The following ACSS3 variants were observed in gnomAD, a reference collection of about 807,000 sequenced individuals.
The protein encoded by ACSS3 is acyl-CoA synthetase short chain family member 3, also known as acyl-CoA synthetase short-chain family member 3, mitochondrial.
In ACSS3, 64 loss-of-function variants were observed where a neutral mutation model predicts 84.2. The observed-to-expected ratio is 0.76, with a 90% CI of 0.62 to 0.94. ACSS3 has a LOEUF of 0.94. Among genes scored for constraint, ACSS3 ranks in the 40% least tolerant of loss-of-function variants. The pLI is 0.00. For missense variants in ACSS3, 815 were observed against 867.6 expected, an observed-to-expected ratio of 0.94 and a Z score of 0.76; for synonymous variants, 317 against 310.1, an observed-to-expected ratio of 1.02 and a Z score of -0.23.
intron 1 of ACSS3, among the ~76,000 whole-genome samples, chr12:81,102,647 C>A (rs1293437819): frequency 6.7e-6 from 1 of 149,586 alleles, no homozygotes; most frequent in Non-Finnish European, 1.5e-5. Flanking sequence ...ATGTTGAAAC[C>A]CCATTTCTAC....
intron 7 of ACSS3, among the ~76,000 whole-genome samples, chr12:81,168,069 T>C (rs1887486901): frequency 6.6e-6 from 1 of 152,174 alleles, no homozygotes; most frequent in African/African-American, 2.4e-5. Flanking sequence ...ATTAAAGTAA[T>C]GGGGAGTGGG....
rs2034346229 is a variant in ACSS3 at position 81,257,510 on chromosome 12, T to G, written c.*2588T>G. On this transcript the variant is annotated 3_prime_UTR_variant, in exon 16 of 16. Coordinates refer to ENST00000548058, the MANE Select transcript of ACSS3 (RefSeq NM_024560.4). The stretch of plus-strand genomic sequence containing the variant: ...TAGAATAAATTCTGTGAGGTCTTCG[T>G]TTGGTATTTTCATAGGATTTCTTAC... 1 of 152,178 alleles carries G rather than the reference T, an allele frequency of 6.6e-6. No homozygotes were observed. The highest frequency in any genetic ancestry group is 2.4e-5 in the African/African-American group (1 of 41,454). The allele number at this position is 152,178 out of a possible 1,614,324, so 9.4% of individuals were successfully genotyped here. A position where few individuals can be genotyped will look rare whatever the true frequency, so the allele number is the denominator to read the frequency against.
At chr12:81,161,136 A>T (rs975325014) in intron 7 of ACSS3, among the ~76,000 whole-genome samples, 8 of 152,230 alleles carry the variant, frequency 5.3e-5, no homozygotes, top group African/African-American at 1.9e-4. Context: ...AATATTACTC[A>T]CATTTCTTCT....
intron 5 of ACSS3, among the ~76,000 whole-genome samples, chr12:81,145,339 A>G (rs1170916724): frequency 6.6e-6 from 1 of 152,086 alleles, no homozygotes; most frequent in Non-Finnish European, 1.5e-5. Flanking sequence ...ATTTCAATAA[A>G]TTTGAGAGGG....
intron 8 of ACSS3, among the ~76,000 whole-genome samples, chr12:81,188,860 C>CT (rs1018818846): frequency 2.0e-5 from 3 of 152,122 alleles, no homozygotes; most frequent in African/African-American, 7.2e-5. Context: ...TATAGATACA[C>CT]TGTGGAAGGA....
chr12:81,193,937 A>T (rs2031702613), intron 8 of ACSS3, among the ~76,000 whole-genome samples: 1 of 151,930 alleles, frequency 6.6e-6, no homozygotes, highest in Non-Finnish European at 1.5e-5. Flanking sequence ...AAAAATGTCT[A>T]ATTTTAACTT....
intron 5 of ACSS3, among the ~76,000 whole-genome samples, chr12:81,150,812 G>C (rs555049365): frequency 1.4e-4 from 22 of 152,314 alleles, no homozygotes; most frequent in Non-Finnish European, 2.6e-4. Context: ...TTAAGGTGCA[G>C]AGCTATGCTA....
At chr12:81,082,297 T>A (rs1252295134) in intron 1 of ACSS3, among the ~76,000 whole-genome samples, 1 of 152,188 alleles carries the variant, frequency 6.6e-6, no homozygotes, top group Admixed American at 6.5e-5. Flanking sequence ...AGCTCCCACT[T>A]ATAAGTGAGA....
At chr12:81,213,932 C>CCTTCCTTCCCTCCTTT (rs1189369982) in intron 9 of ACSS3, among the ~76,000 whole-genome samples, 1 of 76,642 alleles carries the variant, frequency 1.3e-5, no homozygotes, top group Admixed American at 1.8e-4. Flanking sequence ...TTCCTTCCTT[C>CCTTCCTTCCCTCCTTT]CTTTCTCTCT....
At position 81,078,185 on chromosome 12, in the gene ACSS3, C is replaced by A. The variant is rs575214916; in HGVS notation, c.65C>A (p.Pro22His). 8 of 1,546,602 alleles carry A rather than the reference C, an allele frequency of 5.2e-6. No homozygotes were observed. The highest frequency in any genetic ancestry group is 6.1e-6 in the Non-Finnish European group (7 of 1,150,468). ...GCCGGGGGGCTCGGAGGGCCCTTGC[C>A]TGGGTCCTCTCCGGCCCGGGGAGCC... ...TSAGGLGGPL[P>H]GSSPARGAGA... is the part of the protein sequence containing the mutation. Residue 22 changes from proline (P) to histidine (H), a missense_variant, in exon 1 of 16, where the codon CCT (proline) becomes CAT (histidine). By Grantham distance (77) the Pro-to-His change is moderately conservative. Transcript: ENST00000548058.
chr12:81,156,880 C>T (rs1388267797), intron 7 of ACSS3, among the ~76,000 whole-genome samples: 1 of 152,108 alleles, frequency 6.6e-6, no homozygotes, highest in Non-Finnish European at 1.5e-5. Flanking sequence ...GAAGAGGAGG[C>T]AGGTGGCTGG....
chr12:81,126,817 G>A (rs1048442604), intron 2 of ACSS3, among the ~76,000 whole-genome samples: 1 of 152,088 alleles, frequency 6.6e-6, no homozygotes, highest in African/African-American at 2.4e-5. Flanking sequence ...AAACCCATGT[G>A]TGAAGAAACT....
intron 13 of ACSS3, among the ~76,000 whole-genome samples, chr12:81,250,114 G>C (rs2136012563): frequency 6.6e-6 from 1 of 152,084 alleles, no homozygotes; most frequent in South Asian, 2.1e-4. Flanking sequence ...ATTTTATTTG[G>C]AGGGAATGCA....
At chr12:81,233,280 A>G in intron 12 of ACSS3, 69 bp from the exon 13 acceptor site, 5 of 1,529,714 alleles carry the variant, frequency 3.3e-6, no homozygotes, top group Non-Finnish European at 4.5e-6. Flanking sequence ...TGTGTGTTTT[A>G]CCAAGTTTAA....
intron 8 of ACSS3, among the ~76,000 whole-genome samples, chr12:81,196,240 A>G (rs1593184391): frequency 6.6e-6 from 1 of 152,042 alleles, no homozygotes; most frequent in African/African-American, 2.4e-5. Flanking sequence ...GTCATGATCT[A>G]CCTCTACACT....
At chr12:81,141,967 T>A (rs1438757112) in intron 4 of ACSS3, among the ~76,000 whole-genome samples, 1 of 152,226 alleles carries the variant, frequency 6.6e-6, no homozygotes, top group Non-Finnish European at 1.5e-5. Context: ...TTCATACAGG[T>A]ATCATATTCA....
chr12:81,233,149 A>T (rs2033521367), intron 12 of ACSS3, among the ~76,000 whole-genome samples, 200 bp from the exon 13 acceptor site: 1 of 151,940 alleles, frequency 6.6e-6, no homozygotes, highest in East Asian at 1.9e-4. Flanking sequence ...ACTTCAACTT[A>T]TTCTTGGCTG....
intron 8 of ACSS3, among the ~76,000 whole-genome samples, chr12:81,185,006 C>T (rs1565709808): frequency 6.6e-6 from 1 of 151,622 alleles, no homozygotes; most frequent in African/African-American, 2.4e-5. Flanking sequence ...ACAAATCCAA[C>T]AACACATGAA....
chr12:81,098,258 C>T (rs1882229633), intron 1 of ACSS3, among the ~76,000 whole-genome samples: 1 of 151,928 alleles, frequency 6.6e-6, no homozygotes, highest in South Asian at 2.1e-4. Context: ...GAGATAGGCT[C>T]CAGCCGCCCA....
Sources: gnomAD v4.1 joint callset for allele counts (sites outside exome capture counted in the v4.1 genomes callset) on GRCh38, gnomAD v4.1.1 for gene constraint, MANE v1.5 for transcripts, NCBI Gene and HGNC (gene_info 2026-07-23, HGNC 2026-07-21) for gene names.